AATF: variants seen among roughly 807,000 people sequenced by gnomAD.
AATF encodes the protein apoptosis antagonizing transcription factor, also known as protein AATF.
Under a neutral mutation model 63.7 loss-of-function variants are expected in AATF, and 48 were observed. That is an observed-to-expected ratio of 0.75 (90% confidence interval 0.60 to 0.96). AATF has a LOEUF of 0.96. AATF is among the 40% of genes least tolerant of loss of function. The pLI is 0.00. For synonymous variants in AATF, 258 were observed against 247.7 expected, an observed-to-expected ratio of 1.04 and a Z score of -0.39; for missense variants, 639 against 685.7, an observed-to-expected ratio of 0.93 and a Z score of 0.76.
At chr17:37,011,152 C>T (rs1275746932) in intron 8 of AATF, among the ~76,000 whole-genome samples, 1 of 152,164 alleles carries the variant, frequency 6.6e-6, no homozygotes, top group African/African-American at 2.4e-5. Flanking sequence ...GAGTGGATTA[C>T]CTGAGTTCAG....
Position 36,949,141 on chromosome 17 carries a change from C to A in AATF, c.16C>A (p.Pro6Thr). Reference protein sequence around the residue: MAGPQPLALQLEQLLN... With the variant: MAGPQTLALQLEQLLN... Reference sequence around the variant, plus strand: ...GCTGGTGACGATGGCGGGGCCGCAGCCCCTGGCGCTGCAACTGGAACAGTT... The same window carrying A: ...GCTGGTGACGATGGCGGGGCCGCAGACCCTGGCGCTGCAACTGGAACAGTT... The change falls in exon 1 of 12, where the codon CCC becomes ACC. Residue 6 changes from proline to threonine, a missense_variant. Transcript: ENST00000619387. 1 of 1,581,502 alleles carries A rather than the reference C, an allele frequency of 6.3e-7. No homozygotes were observed. The highest frequency in any genetic ancestry group is 2.3e-5 in the East Asian group (1 of 43,664).
At position 37,021,841 on chromosome 17, in the gene AATF, A is replaced by G. The variant is rs117621801; in HGVS notation, c.1547+827A>G. 6.4e-3 allele frequency among the ~76,000 whole-genome samples: 958 copies of G among 149,208 alleles called. 35 individuals carry two copies. The highest frequency in any genetic ancestry group is 0.011 in the Non-Finnish European group (728 of 67,200). The stretch of plus-strand genomic sequence containing the variant: ...AAAAAATAATAATAATAATAATAAT[A>G]AATATAAAAATGTTATTGTCTTATT... On this transcript the variant is annotated intron_variant, in intron 10 of 11. Transcript: ENST00000619387.
intron 11 of AATF, among the ~76,000 whole-genome samples, chr17:37,049,150 G>T (rs1442577101): frequency 6.6e-6 from 1 of 152,174 alleles, no homozygotes; most frequent in Non-Finnish European, 1.5e-5. Context: ...CCTAGACCCA[G>T]TAAGGACCTG....
intron 8 of AATF, among the ~76,000 whole-genome samples, chr17:37,009,081 G>C (rs1420221887): frequency 6.6e-6 from 1 of 152,100 alleles, no homozygotes; most frequent in Non-Finnish European, 1.5e-5. Context: ...CATTTTAATA[G>C]TCAAAGAATG....
At chr17:36,972,534 C>T (rs1243559805) in intron 4 of AATF, among the ~76,000 whole-genome samples, 1 of 152,090 alleles carries the variant, frequency 6.6e-6, no homozygotes, top group African/African-American at 2.4e-5. Flanking sequence ...AAGTTTATGG[C>T]TATAATTTAT....
chr17:36,975,842 A>G (rs1361062069), intron 4 of AATF, among the ~76,000 whole-genome samples: 1 of 152,200 alleles, frequency 6.6e-6, no homozygotes, highest in African/African-American at 2.4e-5. Flanking sequence ...AAAATATCCC[A>G]CTGTTTTAAG....
At chr17:37,037,497 A>G (rs1000419779) in intron 11 of AATF, among the ~76,000 whole-genome samples, 2 of 152,168 alleles carry the variant, frequency 1.3e-5, no homozygotes, top group African/African-American at 2.4e-5. Flanking sequence ...TCACTTCTCT[A>G]TTGAAGTTAT....
intron 4 of AATF, among the ~76,000 whole-genome samples, chr17:36,964,286 G>A (rs1348720472): frequency 6.6e-6 from 1 of 150,956 alleles, no homozygotes; most frequent in Non-Finnish European, 1.5e-5. Flanking sequence ...TGTTGTCACA[G>A]TGTCCTATAG....
intron 4 of AATF, among the ~76,000 whole-genome samples, chr17:36,954,886 G>A (rs1473614409): frequency 3.9e-5 from 6 of 152,242 alleles, no homozygotes; most frequent in Admixed American, 6.5e-5. Flanking sequence ...GGAGATTTAG[G>A]GTGAGTGTGC....
At chr17:37,013,896 T>C (rs1166227816) in intron 8 of AATF, among the ~76,000 whole-genome samples, 1 of 152,176 alleles carries the variant, frequency 6.6e-6, no homozygotes, top group African/African-American at 2.4e-5. Flanking sequence ...TAAAATAACC[T>C]ATCCTTTTGC....
rs147977594 is a variant in AATF, at chr17:36,984,239, G to T, written c.833-2378G>T. Among the ~76,000 whole-genome samples the T allele has an allele frequency of 4.6e-4, 70 of 152,324 alleles. No individual in the cohort carries two copies. The East Asian group carries it at 0.012, about 26-fold the overall frequency. On this transcript the variant is annotated intron_variant, in intron 4 of 11. Coordinates refer to ENST00000619387, the MANE Select transcript of AATF (RefSeq NM_012138.4). ...AGTTACTAAGTGAAAAATGGAAGGA[G>T]TGATAGAAGCATGGCCAGAGATAAA...
rs867934441 is a variant in AATF, at chr17:37,001,421, A to G, written c.1398+10564A>G. 1.7e-3 allele frequency among the ~76,000 whole-genome samples: 186 copies of G among 110,428 alleles called. 5 individuals are homozygous for G. The highest frequency in any genetic ancestry group is 7.8e-3 in the African/African-American group (176 of 22,642). The allele number at this position is 110,428 out of a possible 152,430, so 72.4% of individuals were successfully genotyped here. A position where few individuals can be genotyped will look rare whatever the true frequency, so the allele number is the denominator to read the frequency against. On this transcript the variant is annotated intron_variant, in intron 8 of 11. Transcript: ENST00000619387. ...GGAGGGAGGGAGGAAGGAAGGAAGG[A>G]AGGAAGGAAGGAAGGAAGGAAGGAA...
chr17:37,023,856 T>G (rs2071491723), intron 10 of AATF, among the ~76,000 whole-genome samples: 1 of 151,874 alleles, frequency 6.6e-6, no homozygotes, highest in Non-Finnish European at 1.5e-5. Flanking sequence ...CCCCCACCCC[T>G]GCAGAAACCA....
chr17:37,032,951 A>G (rs563823324), intron 11 of AATF, among the ~76,000 whole-genome samples: 1 of 152,352 alleles, frequency 6.6e-6, no homozygotes, highest in East Asian at 1.9e-4. Context: ...GTCATAACAT[A>G]GGCACAGGTG....
In AATF at chr17:36,957,728, G is replaced by A. The variant is rs140026065; in HGVS notation, c.832+3821G>A. ...CTGGTTCCTTTTGTATCCTCTCAAT[G>A]TAAATTTCATTCCGTTTAGAATCCT... On this transcript the variant is annotated intron_variant, in intron 4 of 11. Transcript: ENST00000619387. Among the ~76,000 whole-genome samples the A allele has an allele frequency of 2.7e-3, 411 of 152,236 alleles. 3 individuals are homozygous for A. Among genetic ancestry groups the A allele is most frequent in the Middle Eastern group, 6.8e-3 (2 of 292 alleles).
chr17:36,996,781 C>T (rs879437497), intron 8 of AATF, among the ~76,000 whole-genome samples: 20 of 152,094 alleles, frequency 1.3e-4, no homozygotes, highest in Non-Finnish European at 2.1e-4. Flanking sequence ...TTTTTAAATG[C>T]GAAGTCTAGA....
At position 37,049,035 on chromosome 17, in the gene AATF, G is replaced by A. The variant is rs115596066; in HGVS notation, c.1620-7566G>A. On this transcript the variant is annotated intron_variant, in intron 11 of 11. Coordinates refer to ENST00000619387, the MANE Select transcript of AATF (RefSeq NM_012138.4). ...GATGACGATGCCATTTATGCAATGC[G>A]GACTTTGCTTAGTGCTGTAAAAACA... Among the ~76,000 whole-genome samples the A allele has an allele frequency of 5.4e-3, 824 of 152,148 alleles. 2 individuals are homozygous for A. The highest frequency in any genetic ancestry group is 0.018 in the African/African-American group (738 of 41,488).
intron 11 of AATF, 127 bp from the exon 12 acceptor site, chr17:37,056,474 A>G (rs1409925376): frequency 8.8e-6 from 8 of 909,256 alleles, no homozygotes; most frequent in African/African-American, 3.3e-5. Context: ...TGTGGGGTGC[A>G]TTTTTAATTA....
intron 8 of AATF, among the ~76,000 whole-genome samples, chr17:37,015,447 G>GCCTT (rs1320873223): frequency 6.6e-6 from 1 of 152,142 alleles, no homozygotes; most frequent in Non-Finnish European, 1.5e-5. Context: ...CCAAGATGGT[G>GCCTT]CCTTGATGCT....
Sources: allele counts gnomAD v4.1 joint callset (sites outside exome capture counted in the v4.1 genomes callset), GRCh38; gene constraint gnomAD v4.1.1; transcripts MANE v1.5; gene names NCBI Gene and HGNC (gene_info 2026-07-23, HGNC 2026-07-21).